MINAR1: variants seen among roughly 807,000 people sequenced by gnomAD.
MINAR1 encodes major intrinsically disordered Notch2-binding receptor 1.
MINAR1 carries 40 observed loss-of-function variants against 65.1 expected under a neutral mutation model. The observed-to-expected ratio is 0.61, with a 90% CI of 0.48 to 0.80. The LOEUF (loss-of-function observed/expected upper bound fraction) is 0.80, where lower values mean the gene tolerates loss of function less well. MINAR1 is among the 30% of genes least tolerant of loss of function. The pLI, the probability that MINAR1 is intolerant of heterozygous loss-of-function variation, is 0.00. For missense variants in MINAR1, 1,128 were observed against 1,148.0 expected (o/e 0.98, Z 0.25); for synonymous variants, 482 against 449.1 (o/e 1.07, Z -0.93).
Position 79,456,528 on chromosome 15 carries a change from G to C in MINAR1, c.381G>C (p.Glu127Asp). 1 of 1,614,064 alleles carries C rather than the reference G, an allele frequency of 6.2e-7. No individual in the cohort carries two copies. Among genetic ancestry groups the C allele is most frequent in the South Asian group, 1.1e-5 (1 of 91,082 alleles). Residue 127 changes from glutamate to aspartate, a missense_variant, in exon 2 of 4, where the codon GAG (glutamate) becomes GAC (aspartate). Physicochemically the swap from Glu to Asp is conservative, Grantham distance 45. Coordinates refer to ENST00000305428, the MANE Select transcript of MINAR1 (RefSeq NM_015206.3). ...TTGAATCATGTAGGTCGGACACAGA[G>C]ATCTGCAATGCAGCTGAGTGTGAGC... ...ASFESCRSDTEICNAAECEPL... is the reference protein window; with the variant it reads ...ASFESCRSDTDICNAAECEPL...
At position 79,456,202 on chromosome 15, in the gene MINAR1, G is replaced by A. The variant is rs765276663; in HGVS notation, c.55G>A (p.Asp19Asn). 6.2e-7 allele frequency: 1 copy of A among 1,614,006 alleles called. No individual in the cohort carries two copies. Among genetic ancestry groups the A allele is most frequent in the Non-Finnish European group, 8.5e-7 (1 of 1,179,990 alleles). Reference protein sequence around the residue: ...LFLVKILEELDSKQNTVSYQD... With the variant: ...LFLVKILEELNSKQNTVSYQD... ...CTTGGTGAAGATCTTGGAGGAACTG[G>A]ACAGCAAGCAAAATACCGTTTCTTA... Residue 19 changes from aspartate (D) to asparagine (N), a missense_variant, in exon 2 of 4, where the codon GAC becomes AAC. Coordinates refer to ENST00000305428, the MANE Select transcript of MINAR1 (RefSeq NM_015206.3).
chr15:79,437,241 G>C (rs1288194542), intron 1 of MINAR1, among the ~76,000 whole-genome samples: 2 of 152,224 alleles, frequency 1.3e-5, no homozygotes, highest in Non-Finnish European at 2.9e-5. Context: ...TCTCAGCCAT[G>C]GAAGTTGAAG....
chr15:79,452,741 T>TGTGGG (rs1470753128), intron 1 of MINAR1, among the ~76,000 whole-genome samples: 2 of 89,800 alleles, frequency 2.2e-5, no homozygotes, highest in African/African-American at 8.0e-5. Flanking sequence ...TGTGGGTGTG[T>TGTGGG]GGGGGGGGTG....
intron 1 of MINAR1, among the ~76,000 whole-genome samples, chr15:79,439,628 C>T (rs1283065903): frequency 2.0e-5 from 3 of 151,748 alleles, no homozygotes; most frequent in African/African-American, 4.9e-5. Flanking sequence ...GACATCGGAG[C>T]GCTGACTGCC....
At chr15:79,439,262 TGTGTGGGGTGTGGGGTGG>T (rs1894784165) in intron 1 of MINAR1, among the ~76,000 whole-genome samples, 1 of 83,968 alleles carries the variant, frequency 1.2e-5, no homozygotes, top group Non-Finnish European at 2.4e-5. Context: ...GGGTGGGTAG[TGTGTGGGGTGTGGGGTGG>T]ATAGTGAGTG....
At chr15:79,420,012 A>G in the MINAR1 span, 1 of 152,238 alleles carries the variant, frequency 6.6e-6, no homozygotes, top group African/African-American at 2.4e-5. Context: ...ACAAACCAAC[A>G]AACAACACCT....
intron 2 of MINAR1, among the ~76,000 whole-genome samples, chr15:79,458,799 G>T (rs568762455): frequency 6.6e-6 from 1 of 152,336 alleles, no homozygotes; most frequent in Non-Finnish European, 1.5e-5. Context: ...TTCTGAAATA[G>T]GATGCAGGCC....
intron 1 of MINAR1, among the ~76,000 whole-genome samples, chr15:79,440,176 T>G (rs986890706): frequency 1.3e-5 from 2 of 152,190 alleles, no homozygotes; most frequent in Non-Finnish European, 2.9e-5. Flanking sequence ...CCTCATCTGC[T>G]GAGTCAGAAT....
At chr15:79,465,861 T>G (rs559004541) in intron 3 of MINAR1, among the ~76,000 whole-genome samples, 3 of 152,008 alleles carry the variant, frequency 2.0e-5, no homozygotes, top group Non-Finnish European at 2.9e-5. Context: ...TTAGTGCCTA[T>G]TAAACTGCTG....
At chr15:79,445,053 AG>A (rs750959584) in intron 1 of MINAR1, among the ~76,000 whole-genome samples, 19 of 151,948 alleles carry the variant, frequency 1.3e-4, no homozygotes, top group African/African-American at 4.6e-4. Flanking sequence ...TGTATTTTTA[AG>A]GCTATATTAT....
At chr15:79,427,003 A>G in the MINAR1 span, 1 of 152,224 alleles carries the variant, frequency 6.6e-6, no homozygotes, top group Non-Finnish European at 1.5e-5. Flanking sequence ...ACAATAGCAA[A>G]GACATGAAAT....
intron 3 of MINAR1, among the ~76,000 whole-genome samples, chr15:79,466,525 GA>G (rs1324191692): frequency 6.6e-6 from 1 of 151,980 alleles, no homozygotes; most frequent in African/African-American, 2.4e-5. Flanking sequence ...ATATTCTTTT[GA>G]TTTTTTTTCA....
intron 2 of MINAR1, among the ~76,000 whole-genome samples, chr15:79,459,363 T>C (rs6495405): frequency 0.053 from 8,132 of 152,254 alleles, 680 homozygotes; most frequent in African/African-American, 0.18. Flanking sequence ...CTAGAATCAT[T>C]GTGCACACAT....
chr15:79,424,655 T>A, the MINAR1 span: 3 of 152,266 alleles, frequency 2.0e-5, no homozygotes, highest in Non-Finnish European at 2.9e-5. Flanking sequence ...GCACCTATTA[T>A]GTGCTGGGTC....
At position 79,457,016 on chromosome 15, in the gene MINAR1, G is replaced by T. The variant is rs766461413; in HGVS notation, c.869G>T (p.Ser290Ile). ...KAENEHREPQ[S>I]RKEPHKPPFF... ...GAGAATGAGCACAGGGAACCCCAGA[G>T]TCGAAAGGAACCCCACAAGCCACCC... The change falls in exon 2 of 4, where the codon AGT (serine) becomes ATT (isoleucine). Residue 290 changes from serine (S) to isoleucine (I), a missense_variant. Ser to Ile is a moderately radical substitution (Grantham distance 142, BLOSUM62 -2). Transcript: ENST00000305428. 1.2e-6 allele frequency: 2 copies of T among 1,614,046 alleles called. No homozygotes were observed. The highest frequency in any genetic ancestry group is 2.2e-5 in the South Asian group (2 of 91,062).
upstream of MINAR1, among the ~76,000 whole-genome samples, chr15:79,427,988 G>A (rs913337831): frequency 1.3e-5 from 2 of 152,174 alleles, no homozygotes; most frequent in African/African-American, 2.4e-5. Context: ...ACTGCTTGCC[G>A]TTTTGTCGGC....
At chr15:79,466,562 C>T (rs143907875) in intron 3 of MINAR1, among the ~76,000 whole-genome samples, 18 of 151,920 alleles carry the variant, frequency 1.2e-4, no homozygotes, top group Admixed American at 1.2e-3. Flanking sequence ...AAAAAAATCA[C>T]TAAAAATCAC....
the MINAR1 span, chr15:79,421,001 T>C: frequency 6.6e-6 from 1 of 152,260 alleles, no homozygotes; most frequent in African/African-American, 2.4e-5. Context: ...ACTCAGTTTA[T>C]CTTTTAGCAG....
chr15:79,431,727 C>T (rs562838139), upstream of MINAR1, among the ~76,000 whole-genome samples: 2 of 152,252 alleles, frequency 1.3e-5, no homozygotes, highest in Non-Finnish European at 2.9e-5. Context: ...CTGGGGGCCG[C>T]AGTCACCTTC....
Sources: allele counts gnomAD v4.1 joint callset (sites outside exome capture counted in the v4.1 genomes callset), GRCh38; gene constraint gnomAD v4.1.1; transcripts MANE v1.5; gene names NCBI Gene and HGNC (gene_info 2026-07-23, HGNC 2026-07-21).